The following KSR1 variants were observed in gnomAD, a reference collection of about 807,000 sequenced individuals.
The protein encoded by KSR1 is kinase suppressor of ras 1, also known as kinase suppressor of ras.
In KSR1, 35 loss-of-function variants were observed where a neutral mutation model predicts 92.9. The ratio of observed to expected loss-of-function variants is 0.38; its 90% CI spans 0.29 to 0.50. The LOEUF (loss-of-function observed/expected upper bound fraction) is 0.50. Among genes scored for constraint, KSR1 ranks in the 20% least tolerant of loss-of-function variants. The pLI, the probability that KSR1 is intolerant of heterozygous loss-of-function variation, is 0.94. For missense variants in KSR1, 972 were observed against 1,158.5 expected, an observed-to-expected ratio of 0.84 and a Z score of 2.34; for synonymous variants, 467 against 472.6, an observed-to-expected ratio of 0.99 and a Z score of 0.15.
intron 3 of KSR1, among the ~76,000 whole-genome samples, chr17:27,580,677 A>T (rs949851911): frequency 6.6e-6 from 1 of 152,188 alleles, no homozygotes; most frequent in Non-Finnish European, 1.5e-5. Flanking sequence ...TCCACTGTAC[A>T]CTGGGGAGAA....
chr17:27,542,279 G>A (rs1353962888), intron 1 of KSR1, among the ~76,000 whole-genome samples: 1 of 152,152 alleles, frequency 6.6e-6, no homozygotes, highest in Non-Finnish European at 1.5e-5. Flanking sequence ...TGTAACTGAG[G>A]GAGCCTGCTA....
chr17:27,608,963 A>C (rs565057352), intron 15 of KSR1, among the ~76,000 whole-genome samples: 9 of 152,350 alleles, frequency 5.9e-5, no homozygotes, highest in African/African-American at 1.4e-4. Context: ...TGGTAACATT[A>C]AAAGAGCATA....
At chr17:27,498,551 G>A (rs1359757020) in intron 1 of KSR1, among the ~76,000 whole-genome samples, 1 of 152,138 alleles carries the variant, frequency 6.6e-6, no homozygotes, top group Non-Finnish European at 1.5e-5. Flanking sequence ...ATTGCTTGGG[G>A]AAGCTTATAG....
chr17:27,597,117 C>G, intron 9 of KSR1, 151 bp from the exon 10 acceptor site: 4 of 860,580 alleles, frequency 4.6e-6, no homozygotes, highest in Non-Finnish European at 7.1e-6. Context: ...GTGCGCTGCC[C>G]TTCCTCAAAT....
chr17:27,492,180 A>G (rs1458287091), intron 1 of KSR1, among the ~76,000 whole-genome samples: 1 of 152,144 alleles, frequency 6.6e-6, no homozygotes, highest in Non-Finnish European at 1.5e-5. Flanking sequence ...GTGGCTTCAA[A>G]ATAGAAATTC....
chr17:27,614,924 T>A (rs575410980), intron 18 of KSR1, among the ~76,000 whole-genome samples: 1 of 152,332 alleles, frequency 6.6e-6, no homozygotes, highest in Admixed American at 6.5e-5. Flanking sequence ...TTATTTTCTG[T>A]CATAGACAAA....
At chr17:27,512,180 G>A (rs2069624838) in intron 1 of KSR1, among the ~76,000 whole-genome samples, 1 of 152,180 alleles carries the variant, frequency 6.6e-6, no homozygotes, top group Non-Finnish European at 1.5e-5. Flanking sequence ...TCTGAGCTAG[G>A]TTAGGTTTCC....
chr17:27,621,127 C>T (rs1393345248), intron 19 of KSR1, 66 bp from the exon 20 acceptor site: 1 of 398,446 alleles, frequency 2.5e-6, no homozygotes, highest in Non-Finnish European at 4.4e-6. Context: ...TGCCTGACTC[C>T]ATCACATGCC....
intron 10 of KSR1, among the ~76,000 whole-genome samples, chr17:27,598,576 G>C (rs2073429773): frequency 6.6e-6 from 1 of 152,202 alleles, no homozygotes; most frequent in South Asian, 2.1e-4. Context: ...CCTGCATTGA[G>C]TGATGGCCCA....
chr17:27,464,209 G>A (rs886359185), intron 1 of KSR1, among the ~76,000 whole-genome samples: 1 of 152,174 alleles, frequency 6.6e-6, no homozygotes, highest in Non-Finnish European at 1.5e-5. Flanking sequence ...CTCTGTCCCA[G>A]TGCCTTAGGG....
Position 27,456,462 on chromosome 17 carries a change from C to T in KSR1, c.-182C>T. 5.3e-6 allele frequency: 2 copies of T among 376,336 alleles called. No homozygotes were observed. The highest frequency in any genetic ancestry group is 9.3e-6 in the Non-Finnish European group (2 of 214,978). 23.3% of individuals were successfully genotyped at this position (376,336 alleles called of 1,614,324 possible). A position where few individuals can be genotyped will look rare whatever the true frequency, so the allele number is the denominator to read the frequency against. On this transcript the variant is annotated 5_prime_UTR_variant, in exon 1 of 21. Transcript: ENST00000644974. ...GCAGCCGTCGGGTCGCCGCGGCTTT[C>T]GCTTTGCTGCCGCGGCTGGGAGGGT... is the stretch of plus-strand genomic sequence containing the variant.
intron 1 of KSR1, among the ~76,000 whole-genome samples, chr17:27,521,445 C>T (rs538452866): frequency 6.6e-6 from 1 of 150,504 alleles, no homozygotes; most frequent in South Asian, 2.1e-4. Flanking sequence ...TTGCCTCAGC[C>T]TCTTGAGTAG....
Position 27,577,636 on chromosome 17 carries a change from C to T in KSR1, c.517C>T (p.Leu173=), listed in dbSNP as rs1184348266. 2.6e-6 allele frequency: 4 copies of T among 1,564,244 alleles called. No individual in the cohort carries two copies. Among genetic ancestry groups the T allele is most frequent in the Non-Finnish European group, 3.4e-6 (4 of 1,160,572 alleles). ...CACCTGCCTGCGGAAGGTGACAGGC[C>T]TGGGTACGTGGGGCCTGCCACCCTC... ...ALTCLRKVTG[L]GGEHKEDSSW... Residue 173 remains leucine, a synonymous_variant, in exon 3 of 21, where the codon CTG becomes TTG. Coordinates refer to ENST00000644974, the MANE Select transcript of KSR1 (RefSeq NM_001394583.1). The surrounding 1 kb of genome is among the most constrained non-coding windows in gnomAD (Gnocchi z 4.5).
At chr17:27,618,752 G>A (rs963785129) in intron 19 of KSR1, among the ~76,000 whole-genome samples, 24 of 152,176 alleles carry the variant, frequency 1.6e-4, no homozygotes, top group East Asian at 3.9e-4. Flanking sequence ...AAAGTGAATC[G>A]CTTCATCTCA....
intron 1 of KSR1, among the ~76,000 whole-genome samples, chr17:27,496,393 G>A (rs747075024): frequency 2.6e-5 from 4 of 152,174 alleles, no homozygotes; most frequent in Non-Finnish European, 5.9e-5. Context: ...CTCATGAGTT[G>A]AATAGAAAAA....
intron 1 of KSR1, among the ~76,000 whole-genome samples, chr17:27,519,952 G>T (rs1000532452): frequency 1.3e-5 from 2 of 152,206 alleles, no homozygotes; most frequent in Admixed American, 6.5e-5. Flanking sequence ...ACTGAACCTG[G>T]CAGGGCTGCT....
intron 1 of KSR1, among the ~76,000 whole-genome samples, chr17:27,474,259 G>A (rs544809718): frequency 2.6e-5 from 4 of 152,252 alleles, no homozygotes; most frequent in African/African-American, 9.6e-5. Context: ...TGTCAAAGCC[G>A]TAGTGCTACT....
intron 6 of KSR1, 122 bp from the exon 7 acceptor site, chr17:27,590,689 C>A (rs921199471): frequency 1.4e-5 from 12 of 833,044 alleles, no homozygotes; most frequent in Non-Finnish European, 1.9e-5. Context: ...TGGGAGGGGG[C>A]CAAGGGGCTC....
intron 1 of KSR1, among the ~76,000 whole-genome samples, chr17:27,462,546 C>T (rs1390905603): frequency 3.9e-5 from 6 of 152,194 alleles, no homozygotes; most frequent in South Asian, 2.1e-4. Context: ...TGATGCAGCC[C>T]GCTCTACGCT....
Sources: gnomAD v4.1 joint callset for allele counts (sites outside exome capture counted in the v4.1 genomes callset) on GRCh38, gnomAD v4.1.1 for gene constraint, Gnocchi (gnomAD v3.1) non-coding constraint, MANE v1.5 for transcripts, NCBI Gene and HGNC (gene_info 2026-07-23, HGNC 2026-07-21) for gene names.